The following ARHGAP28 variants were observed in gnomAD, a reference collection of about 807,000 sequenced individuals.
The protein encoded by ARHGAP28 is rho GTPase-activating protein 28.
ARHGAP28 carries 56 observed loss-of-function variants against 90.7 expected under a neutral mutation model. The ratio of observed to expected loss-of-function variants is 0.62; its 90% CI spans 0.50 to 0.77. The LOEUF is 0.77. Among genes scored for constraint, ARHGAP28 ranks in the 30% least tolerant of loss-of-function variants. The pLI is 0.00. For synonymous variants in ARHGAP28, 308 were observed against 323.3 expected (o/e 0.95, Z 0.51); for missense variants, 869 against 900.9 (o/e 0.96, Z 0.45).
At chr18:6,898,377 T>A in intron 16 of ARHGAP28, 1 of 744,650 alleles carries the variant, frequency 1.3e-6, no homozygotes, top group Non-Finnish European at 2.2e-6. Context: ...TTGTACATTT[T>A]ATATATAATA....
At chr18:6,827,424 C>G (rs1232191322) in intron 2 of ARHGAP28, among the ~76,000 whole-genome samples, 1 of 139,350 alleles carries the variant, frequency 7.2e-6, no homozygotes, top group East Asian at 2.2e-4. Context: ...GTTGACCCCC[C>G]CACCTCCCTC....
At chr18:6,825,475 A>G (rs892398262) in intron 2 of ARHGAP28, among the ~76,000 whole-genome samples, 4 of 152,208 alleles carry the variant, frequency 2.6e-5, no homozygotes, top group Non-Finnish European at 4.4e-5. Flanking sequence ...AATAAAAGCC[A>G]TGTTGTTGTT....
At chr18:6,812,856 G>T (rs1470822111) in intron 1 of ARHGAP28, among the ~76,000 whole-genome samples, 4 of 152,202 alleles carry the variant, frequency 2.6e-5, no homozygotes, top group African/African-American at 9.6e-5. Context: ...TCTTTGTCAT[G>T]CAGTGAGAGG....
At chr18:6,851,795 C>A (rs1268241804) in intron 4 of ARHGAP28, among the ~76,000 whole-genome samples, 1 of 152,000 alleles carries the variant, frequency 6.6e-6, no homozygotes, top group Non-Finnish European at 1.5e-5. Flanking sequence ...GAAGCCAGAC[C>A]CAAAAATATT....
intron 4 of ARHGAP28, among the ~76,000 whole-genome samples, chr18:6,854,158 G>A (rs1402974670): frequency 2.0e-5 from 3 of 151,774 alleles, no homozygotes; most frequent in African/African-American, 4.8e-5. Context: ...GGAAACCTTC[G>A]ATCTCCTGGA....
In ARHGAP28 at chr18:6,826,488, T is replaced by TA. The variant is rs1555629748; in HGVS notation, c.325+1526dup. Among the ~76,000 whole-genome samples, 343 of 149,990 alleles carry TA rather than the reference T, an allele frequency of 2.3e-3. 2 individuals are homozygous for TA. Among genetic ancestry groups the TA allele is most frequent in the African/African-American group, 6.9e-3 (282 of 40,892 alleles). On this transcript the variant is annotated intron_variant, in intron 2 of 17. Transcript: ENST00000383472. ...TAGAAGCTCTTTAGTTTTTTTTTTTTAATTAAAATAGAGTTTATATCATTG... is the reference window on the plus strand; with the variant it reads ...TAGAAGCTCTTTAGTTTTTTTTTTTTAAATTAAAATAGAGTTTATATCATTG...
At chr18:6,855,420 C>A (rs2056945028) in intron 4 of ARHGAP28, among the ~76,000 whole-genome samples, 1 of 152,152 alleles carries the variant, frequency 6.6e-6, no homozygotes, top group Non-Finnish European at 1.5e-5. Flanking sequence ...AAAGGGCTAC[C>A]CATTTCAGGT....
chr18:6,837,806 T>A (rs1441673436), intron 3 of ARHGAP28, among the ~76,000 whole-genome samples: 2 of 151,304 alleles, frequency 1.3e-5, no homozygotes, highest in Non-Finnish European at 2.9e-5. Flanking sequence ...GAATGGGGGG[T>A]GGGGATGAGA....
At chr18:6,772,388 C>T (rs1255208893) in intron 1 of ARHGAP28, among the ~76,000 whole-genome samples, 5 of 152,302 alleles carry the variant, frequency 3.3e-5, no homozygotes, top group South Asian at 4.1e-4. Context: ...TATAGAAAAA[C>T]GGTACAGACA....
chr18:6,910,919 A>C (rs2057394068), intron 17 of ARHGAP28, among the ~76,000 whole-genome samples: 1 of 151,086 alleles, frequency 6.6e-6, no homozygotes. Context: ...ATCTCGGCTC[A>C]CTGCAAGCTC....
intron 6 of ARHGAP28, among the ~76,000 whole-genome samples, 192 bp downstream of exon 6, chr18:6,868,426 T>C (rs2057055229): frequency 6.6e-6 from 1 of 152,148 alleles, no homozygotes; most frequent in African/African-American, 2.4e-5. Context: ...AAGACAAAAT[T>C]AATAGAGCCA....
Position 6,767,880 on chromosome 18 carries a change from C to A in ARHGAP28, c.122+37937C>A, listed in dbSNP as rs537929385. ...TCAACAAACTTGGAAAATTTTCAGC[C>A]ACTATTTCTTTAAATCAGTTCCCCG... On this transcript the variant is annotated intron_variant, in intron 1 of 17. Transcript: ENST00000383472. 1.4e-3 allele frequency among the ~76,000 whole-genome samples: 211 copies of A among 152,210 alleles called. 1 individual carries two copies. Among genetic ancestry groups the A allele is most frequent in the African/African-American group, 4.7e-3 (197 of 41,516 alleles).
At chr18:6,756,666 C>A (rs1468017022) in intron 1 of ARHGAP28, among the ~76,000 whole-genome samples, 40 of 152,082 alleles carry the variant, frequency 2.6e-4, no homozygotes, top group Non-Finnish European at 1.5e-5. Flanking sequence ...GGTGAAATAC[C>A]ATGAGGAGCA....
At chr18:6,828,320 C>T (rs77077618) in intron 2 of ARHGAP28, among the ~76,000 whole-genome samples, 1 of 152,008 alleles carries the variant, frequency 6.6e-6, no homozygotes, top group Non-Finnish European at 1.5e-5. Context: ...AGCTTCGGCT[C>T]GGCATCAGAG....
chr18:6,873,663 C>A, intron 8 of ARHGAP28, 21 bp from the exon 9 acceptor site: 1 of 1,606,778 alleles, frequency 6.2e-7, no homozygotes, highest in Non-Finnish European at 8.5e-7. Flanking sequence ...TTTTTTCCCC[C>A]TTTACTGTCT....
intron 1 of ARHGAP28, among the ~76,000 whole-genome samples, chr18:6,763,722 A>G (rs2056179732): frequency 6.6e-6 from 1 of 152,184 alleles, no homozygotes; most frequent in Admixed American, 6.5e-5. Flanking sequence ...TCCCAGCTCC[A>G]GTGCTGAGAC....
At chr18:6,797,234 C>G (rs1280862803) in intron 1 of ARHGAP28, among the ~76,000 whole-genome samples, 3 of 152,172 alleles carry the variant, frequency 2.0e-5, no homozygotes, top group Admixed American at 2.0e-4. Context: ...AGTAACTCCC[C>G]ACCTGAAGCA....
At chr18:6,798,772 C>T (rs2056460831) in intron 1 of ARHGAP28, among the ~76,000 whole-genome samples, 1 of 152,154 alleles carries the variant, frequency 6.6e-6, no homozygotes, top group Non-Finnish European at 1.5e-5. Flanking sequence ...CAGAATTCAC[C>T]ATTATAGAAT....
intron 1 of ARHGAP28, among the ~76,000 whole-genome samples, chr18:6,761,358 T>G (rs760826082): frequency 6.6e-6 from 1 of 152,230 alleles, no homozygotes; most frequent in Non-Finnish European, 1.5e-5. Flanking sequence ...TGTGCATTAG[T>G]AAACATGGAA....
Sources: allele counts gnomAD v4.1 joint callset (sites outside exome capture counted in the v4.1 genomes callset), GRCh38; gene constraint gnomAD v4.1.1; transcripts MANE v1.5; gene names NCBI Gene and HGNC (gene_info 2026-07-23, HGNC 2026-07-21).